IFT80: variants seen among roughly 807,000 people sequenced by gnomAD.
The protein encoded by IFT80 is intraflagellar transport 80.
Under a neutral mutation model 107.9 loss-of-function variants are expected in IFT80, and 79 were observed. The observed-to-expected ratio is 0.73, with a 90% CI of 0.61 to 0.88. The LOEUF (loss-of-function observed/expected upper bound fraction) is 0.88, where lower values mean the gene tolerates loss of function less well. Among genes scored for constraint, IFT80 ranks in the 40% least tolerant of loss-of-function variants. The pLI is 0.00. For missense variants in IFT80, 797 were observed against 914.2 expected (o/e 0.87, Z 1.65); for synonymous variants, 299 against 300.9 (o/e 0.99, Z 0.07).
chr3:160,307,620 G>T, intron 10 of IFT80, 43 bp downstream of exon 10: 2 of 1,054,018 alleles, frequency 1.9e-6, no homozygotes, highest in Non-Finnish European at 3.0e-6. Flanking sequence ...CCTCAGCACA[G>T]ACAGACAAAA....
At chr3:160,260,626 T>C (rs1712747804) in intron 19 of IFT80, among the ~76,000 whole-genome samples, 1 of 152,248 alleles carries the variant, frequency 6.6e-6, no homozygotes, top group South Asian at 2.1e-4. Flanking sequence ...AAAAGTGTTC[T>C]ACAGATAATT....
At position 160,390,023 on chromosome 3, in the gene IFT80, G is replaced by C. The variant is rs1713245355; in HGVS notation, c.-46-5377C>G. Reference sequence around the variant, plus strand: ...ACCAGGAGATTTTAGACAGGAAGGAGAAACAGAATCAACTGTCCAGATACA... The same window carrying C: ...ACCAGGAGATTTTAGACAGGAAGGACAAACAGAATCAACTGTCCAGATACA... On this transcript the variant is annotated intron_variant, in intron 1 of 19. Transcript: ENST00000326448. 2.0e-5 allele frequency among the ~76,000 whole-genome samples: 3 copies of C among 152,168 alleles called. No individual in the cohort carries two copies. The South Asian group carries it at 6.2e-4, about 32-fold the overall frequency.
chr3:160,321,878 A>C (rs1486728060), intron 8 of IFT80, among the ~76,000 whole-genome samples: 1 of 151,772 alleles, frequency 6.6e-6, no homozygotes, highest in Non-Finnish European at 1.5e-5. Flanking sequence ...CATAATTTCA[A>C]GGACATTGAT....
intron 8 of IFT80, among the ~76,000 whole-genome samples, chr3:160,352,411 G>A (rs759943306): frequency 1.4e-4 from 21 of 152,182 alleles, no homozygotes; most frequent in Non-Finnish European, 2.4e-4. Context: ...TATCACCTGC[G>A]TTATAGTTTG....
chr3:160,303,537 G>GT (rs1576778131), intron 11 of IFT80, among the ~76,000 whole-genome samples: 1 of 152,080 alleles, frequency 6.6e-6, no homozygotes, highest in East Asian at 1.9e-4. Flanking sequence ...CTCTTTAATA[G>GT]TTATTTACCT....
At chr3:160,271,179 TA>T (rs1024559924) in intron 18 of IFT80, among the ~76,000 whole-genome samples, 1 of 152,052 alleles carries the variant, frequency 6.6e-6, no homozygotes, top group Non-Finnish European at 1.5e-5. Context: ...ACATACTGGG[TA>T]AAAAAATGTT....
intron 5 of IFT80, among the ~76,000 whole-genome samples, chr3:160,372,907 G>A (rs1342574005): frequency 1.3e-5 from 2 of 152,114 alleles, no homozygotes; most frequent in Non-Finnish European, 1.5e-5. Context: ...AGGGCAGTGA[G>A]AGGAAGAGCA....
intron 1 of IFT80, 134 bp from the exon 2 acceptor site, chr3:160,384,780 A>G (rs1211803246): frequency 3.2e-6 from 2 of 634,806 alleles, no homozygotes. Flanking sequence ...AGTACATGGA[A>G]AGAGAAAAAA....
chr3:160,289,358 C>T (rs1715351198), intron 12 of IFT80, among the ~76,000 whole-genome samples: 1 of 152,110 alleles, frequency 6.6e-6, no homozygotes, highest in South Asian at 2.1e-4. Flanking sequence ...GGGTACTAGG[C>T]TTAGTAACTA....
chr3:160,292,037 T>C (rs776017298), intron 12 of IFT80, among the ~76,000 whole-genome samples: 1 of 152,184 alleles, frequency 6.6e-6, no homozygotes, highest in African/African-American at 2.4e-5. Flanking sequence ...TGCAGATGGC[T>C]ATAGGGCAGA....
chr3:160,387,601 A>G (rs1415752671), intron 1 of IFT80, among the ~76,000 whole-genome samples: 1 of 152,208 alleles, frequency 6.6e-6, no homozygotes, highest in Non-Finnish European at 1.5e-5. Flanking sequence ...ATTGAGAAAC[A>G]GGTTGGAATG....
intron 2 of IFT80, chr3:160,384,277 TC>T (rs1248707763): frequency 6.7e-6 from 3 of 449,586 alleles, no homozygotes; most frequent in Non-Finnish European, 9.0e-6. Flanking sequence ...CTTTTTAAGA[TC>T]CTACTAAAGT....
intron 9 of IFT80, among the ~76,000 whole-genome samples, chr3:160,310,742 A>T (rs1262398933): frequency 1.1e-4 from 17 of 152,334 alleles, no homozygotes; most frequent in Admixed American, 1.1e-3. Flanking sequence ...AAGCAGACAT[A>T]TGTGCCTCCT....
rs548414747 is a variant in IFT80, at chr3:160,335,448, C to T, written c.778-15509G>A. ...TGTTGGCCAGGCTGGTCTCAAACTC[C>T]TGACCTGAGGTGATCCACTCGCCTC... On this transcript the variant is annotated intron_variant, in intron 8 of 19. Coordinates refer to ENST00000326448, the MANE Select transcript of IFT80 (RefSeq NM_020800.3). Among the ~76,000 whole-genome samples the T allele has an allele frequency of 1.6e-3, 237 of 152,076 alleles. 3 individuals carry two copies. The highest frequency in any genetic ancestry group is 5.4e-3 in the African/African-American group (226 of 41,478).
intron 19 of IFT80, among the ~76,000 whole-genome samples, chr3:160,262,760 T>G (rs1431873626): frequency 6.6e-6 from 1 of 152,160 alleles, no homozygotes; most frequent in African/African-American, 2.4e-5. Flanking sequence ...TGCTGCAGCT[T>G]GTCTTTAGCT....
intron 9 of IFT80, among the ~76,000 whole-genome samples, chr3:160,317,120 G>T (rs1443396843): frequency 1.3e-5 from 2 of 151,926 alleles, no homozygotes; most frequent in African/African-American, 4.8e-5. Flanking sequence ...AATCTGTCTT[G>T]TTCACTTCTG....
chr3:160,298,038 C>T (rs1293005359), intron 12 of IFT80, among the ~76,000 whole-genome samples: 2 of 152,078 alleles, frequency 1.3e-5, no homozygotes, highest in African/African-American at 4.8e-5. Context: ...CATATCTGTG[C>T]AAAGTGAATA....
rs147867657 is a variant in IFT80, at chr3:160,341,745, A to C, written c.777+14268T>G. Among the ~76,000 whole-genome samples the C allele has an allele frequency of 5.5e-3, 844 of 152,336 alleles. 7 individuals carry two copies. The highest frequency in any genetic ancestry group is 0.014 in the Middle Eastern group (4 of 294). On this transcript the variant is annotated intron_variant, in intron 8 of 19. Coordinates refer to ENST00000326448, the MANE Select transcript of IFT80 (RefSeq NM_020800.3). ...AAAAGGTCAATCCACTGGAAAAGAA[A>C]AAAAGGACCTGGATATACAGACAGA...
At chr3:160,296,426 C>T (rs912409452) in intron 12 of IFT80, among the ~76,000 whole-genome samples, 3 of 152,038 alleles carry the variant, frequency 2.0e-5, no homozygotes, top group African/African-American at 4.8e-5. Context: ...CTTCTCCACC[C>T]CTACCACTTT....
Sources: gnomAD v4.1 joint callset for allele counts (sites outside exome capture counted in the v4.1 genomes callset) on GRCh38, gnomAD v4.1.1 for gene constraint, MANE v1.5 for transcripts, NCBI Gene and HGNC (gene_info 2026-07-23, HGNC 2026-07-21) for gene names.